STXBP5L: variants seen among roughly 807,000 people sequenced by gnomAD.
STXBP5L encodes the protein syntaxin-binding protein 5-like.
Under a neutral mutation model 144.5 loss-of-function variants are expected in STXBP5L, and 65 were observed. The ratio of observed to expected loss-of-function variants is 0.45; its 90% CI spans 0.37 to 0.55. The LOEUF is 0.55. STXBP5L is among the 20% of genes least tolerant of loss of function. The probability of loss-of-function intolerance (pLI) is 0.00; values close to 1 mark genes in which losing one functional copy is unlikely to be tolerated. For synonymous variants in STXBP5L, 505 were observed against 469.6 expected (o/e 1.08, Z -0.97); for missense variants, 1,298 against 1,405.5 (o/e 0.92, Z 1.22).
At chr3:121,060,292 T>A (rs967329970) in intron 5 of STXBP5L, among the ~76,000 whole-genome samples, 2 of 152,220 alleles carry the variant, frequency 1.3e-5, no homozygotes, top group African/African-American at 4.8e-5. Context: ...TTGCATATGT[T>A]GAACCGGCCT....
chr3:120,975,290 A>T (rs1266699397), intron 3 of STXBP5L, among the ~76,000 whole-genome samples: 1 of 151,970 alleles, frequency 6.6e-6, no homozygotes, highest in Non-Finnish European at 1.5e-5. Context: ...TAGGTGTTTT[A>T]TTCTCTTTGT....
intron 14 of STXBP5L, among the ~76,000 whole-genome samples, chr3:121,245,252 T>C (rs1293375330): frequency 6.6e-6 from 1 of 151,242 alleles, no homozygotes; most frequent in Non-Finnish European, 1.5e-5. Context: ...TTGGTATAAC[T>C]AGAAGATATT....
chr3:121,354,395 T>C (rs1244919171), intron 20 of STXBP5L, among the ~76,000 whole-genome samples: 2 of 152,148 alleles, frequency 1.3e-5, no homozygotes, highest in East Asian at 3.8e-4. Context: ...TTTAGGATAG[T>C]TACATCTTCT....
At chr3:121,380,859 G>A (rs762552043) in intron 21 of STXBP5L, among the ~76,000 whole-genome samples, 5 of 152,052 alleles carry the variant, frequency 3.3e-5, no homozygotes, top group Non-Finnish European at 7.4e-5. Context: ...CATGCCAATC[G>A]CCACAGTATT....
chr3:121,347,668 C>T (rs2045059173), intron 20 of STXBP5L, among the ~76,000 whole-genome samples: 1 of 152,188 alleles, frequency 6.6e-6, no homozygotes, highest in Admixed American at 6.6e-5. Context: ...TGAAGAGATC[C>T]TTACATCCCT....
In STXBP5L at chr3:121,416,044, CTT is replaced by C. The variant is rs754991563; in HGVS notation, c.3226+77_3226+78del. 264 of 1,120,452 alleles carry C rather than the reference CTT, an allele frequency of 2.4e-4. 2 individuals are homozygous for C. The highest frequency in any genetic ancestry group is 3.1e-4 in the Non-Finnish European group (243 of 777,304). The allele number at this position is 1,120,452 out of a possible 1,614,324, so 69.4% of individuals were successfully genotyped here. ...TGTGTATGTGTATTTGTGTGTGTAA[CTT>C]AATGTAATATGTGATCTCAAATTCT... On this transcript the variant is annotated intron_variant, in intron 25 of 26. Coordinates refer to ENST00000471454, the MANE Select transcript of STXBP5L (RefSeq NM_001308330.2).
chr3:120,917,645 G>T (rs936305712), intron 2 of STXBP5L, among the ~76,000 whole-genome samples: 1 of 152,088 alleles, frequency 6.6e-6, no homozygotes, highest in African/African-American at 2.4e-5. Context: ...AATGCACTGT[G>T]ATCATGAATA....
intron 18 of STXBP5L, among the ~76,000 whole-genome samples, chr3:121,265,886 G>A (rs2108404382): frequency 6.6e-6 from 1 of 152,194 alleles, no homozygotes; most frequent in Middle Eastern, 3.4e-3. Context: ...AGAAGAAATG[G>A]ATAAATTCCT....
At chr3:121,078,902 C>T (rs1050143800) in intron 5 of STXBP5L, among the ~76,000 whole-genome samples, 11 of 152,252 alleles carry the variant, frequency 7.2e-5, no homozygotes, top group African/African-American at 2.4e-4. Context: ...CCCGCAATTG[C>T]CACGCGCAGC....
rs1052066655 is a variant in STXBP5L at position 121,124,599 on chromosome 3, G to A, written c.669+2895G>A. Among the ~76,000 whole-genome samples, 36 of 151,958 alleles carry A rather than the reference G, an allele frequency of 2.4e-4. 1 individual carries two copies. The highest frequency in any genetic ancestry group is 1.6e-3 in the Admixed American group (24 of 15,244). On this transcript the variant is annotated intron_variant, in intron 7 of 26. Transcript: ENST00000471454. ...GAAGTTTCATAACTGATTATCTTTA[G>A]ATTATCAAATATTATTGATTTTTTA... is the stretch of plus-strand genomic sequence containing the variant.
chr3:121,007,938 T>C (rs1559992551), intron 3 of STXBP5L, among the ~76,000 whole-genome samples: 1 of 152,062 alleles, frequency 6.6e-6, no homozygotes, highest in African/African-American at 2.4e-5. Flanking sequence ...AAAAAAAATT[T>C]ATAATGGGAG....
intron 22 of STXBP5L, among the ~76,000 whole-genome samples, chr3:121,398,425 A>G (rs1468243991): frequency 1.3e-5 from 2 of 152,208 alleles, no homozygotes; most frequent in East Asian, 3.9e-4. Flanking sequence ...CCTGAGCTGG[A>G]AATGCCCCAG....
intron 19 of STXBP5L, among the ~76,000 whole-genome samples, chr3:121,310,458 A>C (rs145983814): frequency 6.2e-4 from 94 of 152,220 alleles, no homozygotes; most frequent in African/African-American, 2.2e-3. Context: ...AAAGTACAAG[A>C]AATTAGCCAG....
At chr3:121,002,792 G>C (rs1336089685) in intron 3 of STXBP5L, among the ~76,000 whole-genome samples, 1 of 149,670 alleles carries the variant, frequency 6.7e-6, no homozygotes, top group South Asian at 2.1e-4. Context: ...AGCTATGAGT[G>C]AGAACATGCG....
intron 15 of STXBP5L, among the ~76,000 whole-genome samples, chr3:121,252,770 T>A (rs546946806): frequency 1.1e-4 from 16 of 152,238 alleles, no homozygotes; most frequent in Non-Finnish European, 2.4e-4. Flanking sequence ...TCACTGTTTC[T>A]GTGTGTTAGG....
In STXBP5L at chr3:121,345,661, C is replaced by T. The variant is rs543206887; in HGVS notation, c.2176+27121C>T. Among the ~76,000 whole-genome samples the T allele has an allele frequency of 5.5e-4, 83 of 152,210 alleles. 1 individual carries two copies. Among genetic ancestry groups the T allele is most frequent in the Middle Eastern group, 3.4e-3 (1 of 294 alleles). Reference sequence around the variant, plus strand: ...GCGTGCCTATTTCTCCACATCCTCTCCAGCATCTGTTGTTTCCTGACTTTT... The same window carrying T: ...GCGTGCCTATTTCTCCACATCCTCTTCAGCATCTGTTGTTTCCTGACTTTT... On this transcript the variant is annotated intron_variant, in intron 20 of 26. Transcript: ENST00000471454.
At chr3:121,249,850 G>C (rs2108360176) in intron 14 of STXBP5L, among the ~76,000 whole-genome samples, 1 of 151,998 alleles carries the variant, frequency 6.6e-6, no homozygotes, top group East Asian at 1.9e-4. Flanking sequence ...CCCTTTATCT[G>C]GTTATAGAAA....
At chr3:121,320,074 G>C (rs1416219287) in intron 20 of STXBP5L, among the ~76,000 whole-genome samples, 1 of 152,122 alleles carries the variant, frequency 6.6e-6, no homozygotes, top group Non-Finnish European at 1.5e-5. Context: ...AACATGCTTA[G>C]ATTTTTATTA....
intron 18 of STXBP5L, among the ~76,000 whole-genome samples, chr3:121,277,874 TA>T (rs1427510134): frequency 6.6e-6 from 1 of 152,036 alleles, no homozygotes; most frequent in Non-Finnish European, 1.5e-5. Context: ...GGTAGTAGCA[TA>T]AAATATTCTT....
Sources: gnomAD v4.1 joint callset for allele counts (sites outside exome capture counted in the v4.1 genomes callset) on GRCh38, gnomAD v4.1.1 for gene constraint, MANE v1.5 for transcripts, NCBI Gene and HGNC (gene_info 2026-07-23, HGNC 2026-07-21) for gene names.